The following AGGF1 variants were observed in gnomAD, a reference collection of about 807,000 sequenced individuals.
AGGF1 encodes angiogenic factor with G patch and FHA domains 1.
In AGGF1, 56 loss-of-function variants were observed where a neutral mutation model predicts 86.5. That is an observed-to-expected ratio of 0.65 (90% CI 0.52 to 0.81). The LOEUF (loss-of-function observed/expected upper bound fraction) is 0.81. AGGF1 is among the 30% of genes least tolerant of loss of function. The pLI is 0.00. For missense variants in AGGF1, 816 were observed against 850.9 expected (o/e 0.96, Z 0.51); for synonymous variants, 313 against 297.1 (o/e 1.05, Z -0.55).
chr5:77,038,752 G>A (rs991324729), intron 4 of AGGF1, among the ~76,000 whole-genome samples: 9 of 152,088 alleles, frequency 5.9e-5, no homozygotes, highest in African/African-American at 1.9e-4. Context: ...TTCCGGGTCT[G>A]GTCTGCATGG....
intron 13 of AGGF1, among the ~76,000 whole-genome samples, chr5:77,062,745 TC>T (rs1747584084): frequency 6.6e-6 from 1 of 152,170 alleles, no homozygotes; most frequent in African/African-American, 2.4e-5. Flanking sequence ...TGCCTTTATT[TC>T]TGGTTAGGGT....
In AGGF1 at chr5:77,043,177, G is replaced by A. The variant is rs868721198; in HGVS notation, c.871-3170G>A. The stretch of plus-strand genomic sequence containing the variant: ...TCCCGGACAGGGCGGCTGGCCGGGC[G>A]GGGGGCTGACCCCCCCACCTCCCTC... On this transcript the variant is annotated intron_variant, in intron 5 of 13. Coordinates refer to ENST00000312916, the MANE Select transcript of AGGF1 (RefSeq NM_018046.5). Among the ~76,000 whole-genome samples, 310 of 53,232 alleles carry A rather than the reference G, an allele frequency of 5.8e-3. 1 individual carries two copies. Among genetic ancestry groups the A allele is most frequent in the African/African-American group, 0.024 (294 of 12,164 alleles). 34.9% of individuals were successfully genotyped at this position (53,232 alleles called of 152,430 possible).
chr5:77,061,132 A>G (rs1157533985), intron 12 of AGGF1, among the ~76,000 whole-genome samples: 1 of 152,236 alleles, frequency 6.6e-6, no homozygotes, highest in Non-Finnish European at 1.5e-5. Flanking sequence ...ATGATACATC[A>G]TAAGATTAAC....
intron 5 of AGGF1, among the ~76,000 whole-genome samples, chr5:77,043,428 G>A (rs1580128244): frequency 2.5e-5 from 2 of 81,242 alleles, no homozygotes; most frequent in African/African-American, 9.4e-5. Flanking sequence ...TCCCAGTAGG[G>A]GCGGCCGGGC....
chr5:77,039,451 C>A, intron 4 of AGGF1, 80 bp from the exon 5 acceptor site: 1 of 1,044,364 alleles, frequency 9.6e-7, no homozygotes, highest in Non-Finnish European at 1.4e-6. Flanking sequence ...ATATTTACCA[C>A]ATTTGAATGT....
chr5:77,032,252 T>TTAAAAA (rs1347937817), intron 1 of AGGF1, among the ~76,000 whole-genome samples: 1 of 107,880 alleles, frequency 9.3e-6, no homozygotes, highest in Admixed American at 1.1e-4. Context: ...ACAAATATGG[T>TTAAAAA]AAAAAAAAAA....
intron 6 of AGGF1, among the ~76,000 whole-genome samples, chr5:77,047,593 A>C (rs534166097): frequency 8.7e-5 from 12 of 138,710 alleles, no homozygotes; most frequent in African/African-American, 3.1e-4. Context: ...GGCTTACTGT[A>C]ACCTCCGCCT....
At chr5:77,049,730 C>T (rs1341089867) in intron 8 of AGGF1, among the ~76,000 whole-genome samples, 2 of 151,858 alleles carry the variant, frequency 1.3e-5, no homozygotes. Flanking sequence ...TTATGTATTT[C>T]ATAGAGATGC....
chr5:77,044,257 G>A (rs900097688), intron 5 of AGGF1, among the ~76,000 whole-genome samples: 6 of 151,822 alleles, frequency 4.0e-5, no homozygotes, highest in Non-Finnish European at 8.8e-5. Flanking sequence ...GTAGTGAGCC[G>A]AGATCACGCC....
chr5:77,052,140 C>T (rs1027787354), intron 8 of AGGF1, among the ~76,000 whole-genome samples: 1 of 152,044 alleles, frequency 6.6e-6, no homozygotes, highest in Non-Finnish European at 1.5e-5. Flanking sequence ...ATCACTTGAG[C>T]TCAGGAGTTT....
intron 8 of AGGF1, among the ~76,000 whole-genome samples, chr5:77,050,302 GTTTCTTTT>G (rs1747347252): frequency 1.6e-5 from 1 of 61,950 alleles, no homozygotes; most frequent in African/African-American, 6.3e-5. Context: ...CTTTTTCTTT[GTTTCTTTT>G]TTTTTTTTTT....
chr5:77,052,904 T>C (rs1391792047), intron 9 of AGGF1, 97 bp downstream of exon 9: 3 of 1,049,684 alleles, frequency 2.9e-6, no homozygotes, highest in East Asian at 2.6e-5. Context: ...TGGTTCAGAG[T>C]AGAGTTAAGC....
chr5:77,059,736 G>A lies in AGGF1; in HGVS notation c.1837G>A (p.Val613Ile), dbSNP rs920429757. 6.2e-7 allele frequency: 1 copy of A among 1,613,710 alleles called. No individual in the cohort carries two copies. Among genetic ancestry groups the A allele is most frequent in the African/African-American group, 1.3e-5 (1 of 75,050 alleles). ...TFQRDDAPASVHSEITDSNKG... is the reference protein window; with the variant it reads ...TFQRDDAPASIHSEITDSNKG... ...CCAAAGAGATGATGCTCCTGCATCTGTTCATTCGTAAGTTTTGAATTACAG... is the reference window on the plus strand; with the variant it reads ...CCAAAGAGATGATGCTCCTGCATCTATTCATTCGTAAGTTTTGAATTACAG... Residue 613 changes from valine (V) to isoleucine (I), a missense_variant, in exon 12 of 14, where the codon GTT becomes ATT. Around this residue, in one of 3 missense-constraint regions of AGGF1, gnomAD observed 565 missense variants for 585.8 expected, o/e 0.96. Coordinates refer to ENST00000312916, the MANE Select transcript of AGGF1 (RefSeq NM_018046.5).
Position 77,039,676 on chromosome 5 carries a change from A to C in AGGF1, c.827A>C (p.Lys276Thr). 2 of 1,612,058 alleles carry C rather than the reference A, an allele frequency of 1.2e-6. No individual in the cohort carries two copies. The highest frequency in any genetic ancestry group is 8.5e-7 in the Non-Finnish European group (1 of 1,179,340). The part of the protein sequence containing the change: ...TKQSKDKKLK[K>T]KRKDPDSSAT... ...CAAAGTAAAGATAAAAAATTGAAGA[A>C]GAAAAGAAAAGATCCAGATTCTTCT... Residue 276 changes from lysine (K) to threonine (T), a missense_variant, in exon 5 of 14, where the codon AAG becomes ACG. Coordinates refer to ENST00000312916, the MANE Select transcript of AGGF1 (RefSeq NM_018046.5).
Position 77,054,053 on chromosome 5 carries a change from G to T in AGGF1, c.1556G>T (p.Gly519Val). Reference protein sequence around the residue: ...ETVLSFHIHPGSDTCDGCEPG... With the variant: ...ETVLSFHIHPVSDTCDGCEPG... ...GTCTTATCCTTTCACATTCATCCTG[G>T]CAGTGATACCTGTGATGGCTGTGAA... is the stretch of plus-strand genomic sequence containing the variant. The change falls in exon 10 of 14, where the codon GGC becomes GTC. Residue 519 changes from glycine (G) to valine (V), a missense_variant. Gly to Val is a moderately radical substitution (Grantham distance 109, BLOSUM62 -3). Transcript: ENST00000312916. The T allele has an allele frequency of 1.2e-6, 2 of 1,614,108 alleles. No individual in the cohort carries two copies. Among genetic ancestry groups the T allele is most frequent in the Non-Finnish European group, 1.7e-6 (2 of 1,180,004 alleles).
chr5:77,048,830 T>C, intron 7 of AGGF1, 106 bp from the exon 8 acceptor site: 1 of 1,060,102 alleles, frequency 9.4e-7, no homozygotes, highest in Admixed American at 1.7e-5. Context: ...AGATTTACTG[T>C]TGATAGACGT....
intron 9 of AGGF1, among the ~76,000 whole-genome samples, chr5:77,053,087 A>G (rs570986756): frequency 6.6e-6 from 1 of 152,230 alleles, no homozygotes; most frequent in Non-Finnish European, 1.5e-5. Context: ...CTCAATAGCA[A>G]CTTTGAAGGT....
chr5:77,054,898 A>G (rs2150734088), intron 10 of AGGF1, among the ~76,000 whole-genome samples: 1 of 152,246 alleles, frequency 6.6e-6, no homozygotes, highest in Non-Finnish European at 1.5e-5. Flanking sequence ...TGTCCTATTG[A>G]TAGCTCGTGC....
At position 77,048,280 on chromosome 5, in the gene AGGF1, G is replaced by C; in HGVS notation, c.1313+8G>C. On this transcript the variant is annotated splice_region_variant and intron_variant, in intron 7 of 13. Coordinates refer to ENST00000312916, the MANE Select transcript of AGGF1 (RefSeq NM_018046.5). ...CCCTGCTACAATTGGAAGGTAAAAT[G>C]GTTAATATTATTATATCATTCTTTC... 1.3e-6 allele frequency: 2 copies of C among 1,544,666 alleles called. No individual in the cohort carries two copies. Among genetic ancestry groups the C allele is most frequent in the South Asian group, 2.2e-5 (2 of 89,212 alleles).
Sources: allele counts gnomAD v4.1 joint callset (sites outside exome capture counted in the v4.1 genomes callset), GRCh38; gene constraint gnomAD v4.1.1; regional missense constraint gnomAD v4.1.1; transcripts MANE v1.5; gene names NCBI Gene and HGNC (gene_info 2026-07-23, HGNC 2026-07-21).